The following PAX5 variants were observed in gnomAD, a reference collection of about 807,000 sequenced individuals.
The protein encoded by PAX5 is paired box protein Pax-5.
Under a neutral mutation model 43.7 loss-of-function variants are expected in PAX5, and 9 were observed. The observed-to-expected ratio is 0.21, with a 90% CI of 0.12 to 0.36. The LOEUF (loss-of-function observed/expected upper bound fraction) is 0.36. Among genes scored for constraint, PAX5 ranks in the 10% least tolerant of loss-of-function variants. The probability of loss-of-function intolerance (pLI) is 1.00; values close to 1 mark genes in which losing one functional copy is unlikely to be tolerated. For synonymous variants in PAX5, 228 were observed against 214.3 expected, an observed-to-expected ratio of 1.06 and a Z score of -0.56; for missense variants, 383 against 532.7, an observed-to-expected ratio of 0.72 and a Z score of 2.77.
intron 7 of PAX5, among the ~76,000 whole-genome samples, chr9:36,893,151 G>A (rs372860266): frequency 8.5e-5 from 13 of 152,172 alleles, no homozygotes; most frequent in African/African-American, 2.7e-4. Context: ...AACACAGTCC[G>A]TGCCCAAGGG....
At chr9:37,033,960 A>G (rs2132592602) in intron 1 of PAX5, 26 bp downstream of exon 1, 1 of 1,610,206 alleles carries the variant, frequency 6.2e-7, no homozygotes, top group Non-Finnish European at 8.5e-7. Context: ...GAGTTTGCAC[A>G]TCTGGAGCCC....
At chr9:37,016,122 G>A (rs1459257135) in intron 2 of PAX5, among the ~76,000 whole-genome samples, 1 of 152,156 alleles carries the variant, frequency 6.6e-6, no homozygotes, top group Non-Finnish European at 1.5e-5. Flanking sequence ...TTTTCCTAGG[G>A]TCACACAAGA....
At chr9:36,948,048 G>A (rs1832697733) in intron 6 of PAX5, among the ~76,000 whole-genome samples, 1 of 152,184 alleles carries the variant, frequency 6.6e-6, no homozygotes, top group South Asian at 2.1e-4. Flanking sequence ...CACTGTCCAA[G>A]ACTTTGGAGA....
rs1013577498 is a variant in PAX5, at chr9:36,838,542, C to A, written c.*2018G>T. Reference sequence around the variant, plus strand: ...TGGCCAGAGGAAGTCTGCTTTTTCTCCCTGCATGGTCCTGGCCTTCCCCAA... The same window carrying A: ...TGGCCAGAGGAAGTCTGCTTTTTCTACCTGCATGGTCCTGGCCTTCCCCAA... On this transcript the variant is annotated 3_prime_UTR_variant, in exon 10 of 10. Transcript: ENST00000358127. 2 of 233,098 alleles carry A rather than the reference C, an allele frequency of 8.6e-6. No homozygotes were observed. Among genetic ancestry groups the A allele is most frequent in the African/African-American group, 4.4e-5 (2 of 45,360 alleles). The allele number at this position is 233,098 out of a possible 1,614,324, so 14.4% of individuals were successfully genotyped here.
At chr9:36,880,875 GCCC>G (rs1826353025) in intron 8 of PAX5, among the ~76,000 whole-genome samples, 1 of 152,214 alleles carries the variant, frequency 6.6e-6, no homozygotes, top group Admixed American at 6.5e-5. Flanking sequence ...ACTGTGCCCG[GCCC>G]AGTCTGGCTT....
chr9:37,019,997 A>T (rs1183965405), intron 2 of PAX5, among the ~76,000 whole-genome samples: 1 of 152,206 alleles, frequency 6.6e-6, no homozygotes, highest in Non-Finnish European at 1.5e-5. Context: ...AAAAGGCTGC[A>T]CGGTCCTATG....
intron 9 of PAX5, among the ~76,000 whole-genome samples, chr9:36,841,350 C>A (rs956451433): frequency 1.3e-5 from 2 of 152,238 alleles, no homozygotes; most frequent in Admixed American, 6.5e-5. Flanking sequence ...TGCTAGCATA[C>A]TCTCCTGCCT....
chr9:36,935,715 A>T (rs1350775918), intron 6 of PAX5, among the ~76,000 whole-genome samples: 1 of 152,246 alleles, frequency 6.6e-6, no homozygotes, highest in Admixed American at 6.5e-5. Context: ...CTGTAGGCTG[A>T]TCTTTACCTG....
At position 36,882,149 on chromosome 9, in the gene PAX5, G is replaced by A. The variant is rs772407936; in HGVS notation, c.911-44C>T. Reference sequence around the variant, plus strand: ...AAATCACAGGGTGAGCATCTTCGCGGCCAGCCGCTCATGTCCACAGCTCCC... The same window carrying A: ...AAATCACAGGGTGAGCATCTTCGCGACCAGCCGCTCATGTCCACAGCTCCC... On this transcript the variant is annotated intron_variant, in intron 7 of 9. Transcript: ENST00000358127. This position sits in a 1 kb window ranked among gnomAD's most constrained non-coding sequence, Gnocchi z 4.4. 6.8e-7 allele frequency: 1 copy of A among 1,473,530 alleles called. No individual in the cohort carries two copies. Among genetic ancestry groups the A allele is most frequent in the Non-Finnish European group, 9.2e-7 (1 of 1,082,764 alleles). The allele number at this position is 1,473,530 out of a possible 1,614,324, so 91.3% of individuals were successfully genotyped here.
chr9:36,896,618 C>T (rs1190517695), intron 7 of PAX5, among the ~76,000 whole-genome samples: 7 of 152,194 alleles, frequency 4.6e-5, no homozygotes, highest in Non-Finnish European at 7.3e-5. Context: ...GTGCCAGGGC[C>T]GAACTATCTC....
chr9:36,997,861 G>A (rs1837521272), intron 5 of PAX5, among the ~76,000 whole-genome samples: 1 of 152,238 alleles, frequency 6.6e-6, no homozygotes, highest in Non-Finnish European at 1.5e-5. Context: ...GGCAGCCTCA[G>A]GGTCAGGCAG....
Position 36,837,703 on chromosome 9 carries a change from C to CAGGAGTCAAGTGGTTGTCTCACAAATACA in PAX5, c.*2828_*2856dup. On this transcript the variant is annotated 3_prime_UTR_variant, in exon 10 of 10. Transcript: ENST00000358127. Reference sequence around the variant, plus strand: ...GCGCTTGTGCTTCCGCCTGGCAGCCCAGGAGTCAAGTGGTTGTCTCACAAA... The same window carrying CAGGAGTCAAGTGGTTGTCTCACAAATACA: ...GCGCTTGTGCTTCCGCCTGGCAGCCCAGGAGTCAAGTGGTTGTCTCACAAATACAAGGAGTCAAGTGGTTGTCTCACAAA... The CAGGAGTCAAGTGGTTGTCTCACAAATACA allele has an allele frequency of 4.3e-6, 1 of 233,346 alleles. No homozygotes were observed. The highest frequency in any genetic ancestry group is 6.0e-5 in the East Asian group (1 of 16,590). 14.5% of individuals were successfully genotyped at this position (233,346 alleles called of 1,614,324 possible). A position where few individuals can be genotyped will look rare whatever the true frequency, so the allele number is the denominator to read the frequency against.
At chr9:36,944,430 C>T (rs1832331880) in intron 6 of PAX5, among the ~76,000 whole-genome samples, 2 of 152,150 alleles carry the variant, frequency 1.3e-5, no homozygotes, top group East Asian at 3.9e-4. Flanking sequence ...GACAGCCTGG[C>T]CCTAGTGCCC....
At chr9:37,027,992 G>A (rs1840607237) in intron 1 of PAX5, among the ~76,000 whole-genome samples, 1 of 152,244 alleles carries the variant, frequency 6.6e-6, no homozygotes, top group African/African-American at 2.4e-5. Flanking sequence ...GCAGTGCCTG[G>A]AGAGTCCCGC....
In PAX5 at chr9:36,940,041, G is replaced by A. The variant is rs955869541; in HGVS notation, c.781-16557C>T. Among the ~76,000 whole-genome samples the A allele has an allele frequency of 3.9e-5, 6 of 152,324 alleles. 1 individual carries two copies. Among genetic ancestry groups the A allele is most frequent in the African/African-American group, 9.6e-5 (4 of 41,588 alleles). ...ATCCTGCAAGGCACCCACTCCAGCC[G>A]GGGCTTAATTTATTGCCCGGCGCTG... On this transcript the variant is annotated intron_variant, in intron 6 of 9. Coordinates refer to ENST00000358127, the MANE Select transcript of PAX5 (RefSeq NM_016734.3).
intron 6 of PAX5, among the ~76,000 whole-genome samples, chr9:36,924,860 A>AGGGGGAGGGAGGGAGAGGGAC: frequency 6.6e-6 from 1 of 150,436 alleles, no homozygotes; most frequent in Admixed American, 6.6e-5. Context: ...GGAGGAGGGA[A>AGGGGGAGGGAGGGAGAGGGAC]TTTGCAAACA....
chr9:36,886,523 T>C (rs1826922787), intron 7 of PAX5, among the ~76,000 whole-genome samples: 1 of 152,204 alleles, frequency 6.6e-6, no homozygotes, highest in African/African-American at 2.4e-5. Flanking sequence ...GTCTTAGGCA[T>C]GTCGCCAGGG....
chr9:36,931,283 T>C (rs886108695), intron 6 of PAX5, among the ~76,000 whole-genome samples: 26 of 152,258 alleles, frequency 1.7e-4, no homozygotes, highest in African/African-American at 5.8e-4. Flanking sequence ...CAAAGGGGTC[T>C]GCAAGCCCCT....
In PAX5 at chr9:36,889,218, A is replaced by C. The variant is rs528484041; in HGVS notation, c.911-7113T>G. 3.9e-5 allele frequency among the ~76,000 whole-genome samples: 6 copies of C among 152,260 alleles called. No homozygotes were observed. In the South Asian group the frequency reaches 8.3e-4, roughly 21 times the overall value. On this transcript the variant is annotated intron_variant, in intron 7 of 9. Coordinates refer to ENST00000358127, the MANE Select transcript of PAX5 (RefSeq NM_016734.3). ...AGCCAGGCCCTGGCCAGGCACTTCCATGTCTTAACCTCATTCAATACAAGA... is the reference window on the plus strand; with the variant it reads ...AGCCAGGCCCTGGCCAGGCACTTCCCTGTCTTAACCTCATTCAATACAAGA...
Sources: allele counts gnomAD v4.1 joint callset (sites outside exome capture counted in the v4.1 genomes callset), GRCh38; gene constraint gnomAD v4.1.1; non-coding constraint Gnocchi (gnomAD v3.1); transcripts MANE v1.5; gene names NCBI Gene and HGNC (gene_info 2026-07-23, HGNC 2026-07-21).